Variants in RASA1 observed in about 807,000 individuals in gnomAD.
RASA1 encodes the protein ras GTPase-activating protein 1.
A neutral mutation model predicts 132.2 loss-of-function variants in RASA1; 25 were observed. The ratio of observed to expected loss-of-function variants is 0.19; its 90% CI spans 0.14 to 0.26. The LOEUF (loss-of-function observed/expected upper bound fraction) is 0.26, where lower values mean the gene tolerates loss of function less well. Among genes scored for constraint, RASA1 ranks in the 10% least tolerant of loss-of-function variants. RASA1 has a pLI of 1.00. For synonymous variants in RASA1, 477 were observed against 449.9 expected, an observed-to-expected ratio of 1.06 and a Z score of -0.76; for missense variants, 964 against 1,299.2, an observed-to-expected ratio of 0.74 and a Z score of 3.97.
chr5:87,337,941 T>C (rs1284533854), intron 4 of RASA1, 33 bp from the exon 5 acceptor site: 1 of 1,561,638 alleles, frequency 6.4e-7, no homozygotes, highest in Non-Finnish European at 8.7e-7. Context: ...TTAAAATTTT[T>C]AAATTTAATA....
chr5:87,287,408 C>G (rs928110982), intron 1 of RASA1, among the ~76,000 whole-genome samples: 4 of 143,388 alleles, frequency 2.8e-5, no homozygotes, highest in African/African-American at 1.0e-4. Flanking sequence ...TATATACACA[C>G]CATATATACA....
intron 1 of RASA1, among the ~76,000 whole-genome samples, chr5:87,289,467 CCTCT>C (rs1460364308): frequency 6.6e-6 from 1 of 151,580 alleles, no homozygotes; most frequent in Non-Finnish European, 1.5e-5. Context: ...GTGGTTTTTC[CCTCT>C]ATTTGTAATT....
chr5:87,322,538 T>TC (rs1034996524), intron 1 of RASA1, among the ~76,000 whole-genome samples: 7 of 152,016 alleles, frequency 4.6e-5, no homozygotes, highest in African/African-American at 1.7e-4. Context: ...GCCTGGCTCC[T>TC]CCCCCCTTCT....
At chr5:87,373,831 A>C (rs550846586) in intron 13 of RASA1, among the ~76,000 whole-genome samples, 2 of 152,208 alleles carry the variant, frequency 1.3e-5, no homozygotes, top group Non-Finnish European at 2.9e-5. Context: ...TATATTAATA[A>C]AGAATTTTCT....
chr5:87,345,578 C>A (rs1300478897), intron 6 of RASA1, among the ~76,000 whole-genome samples: 1 of 151,992 alleles, frequency 6.6e-6, no homozygotes, highest in Non-Finnish European at 1.5e-5. Flanking sequence ...ACAGGGAGCA[C>A]CAGGAGATCT....
chr5:87,316,137 G>C lies in RASA1; in HGVS notation c.540-15211G>C, dbSNP rs531735800. Among the ~76,000 whole-genome samples the C allele has an allele frequency of 2.9e-4, 44 of 152,270 alleles. No homozygotes were observed. In the Middle Eastern group the frequency reaches 0.017, roughly 59 times the overall value. On this transcript the variant is annotated intron_variant, in intron 1 of 24. Transcript: ENST00000274376. Reference sequence around the variant, plus strand: ...GCTCTGAGACCAGATCTGTTTGTTTGAAAAAGCAAATTACAAGTATAAATT... The same window carrying C: ...GCTCTGAGACCAGATCTGTTTGTTTCAAAAAGCAAATTACAAGTATAAATT...
chr5:87,281,526 T>A (rs1221629842), intron 1 of RASA1, among the ~76,000 whole-genome samples: 1 of 152,174 alleles, frequency 6.6e-6, no homozygotes, highest in Non-Finnish European at 1.5e-5. Flanking sequence ...ATGTGCTTAT[T>A]GGCCATTTAT....
At chr5:87,335,929 A>G (rs1757944256) in intron 4 of RASA1, among the ~76,000 whole-genome samples, 1 of 152,248 alleles carries the variant, frequency 6.6e-6, no homozygotes, top group African/African-American at 2.4e-5. Context: ...ATTCCATATT[A>G]CAACTAACCT....
rs931195453 is a variant in RASA1, at chr5:87,300,404, C to T, written c.540-30944C>T. On this transcript the variant is annotated intron_variant, in intron 1 of 24. Transcript: ENST00000274376. ...CATAAGCTGGGCAGGGTGGCCTCTGCGTGTAATCCTAGCTACTTGGGAGGC... is the reference window on the plus strand; with the variant it reads ...CATAAGCTGGGCAGGGTGGCCTCTGTGTGTAATCCTAGCTACTTGGGAGGC... Among the ~76,000 whole-genome samples the T allele has an allele frequency of 9.2e-5, 14 of 152,102 alleles. No individual in the cohort carries two copies. In the East Asian group the frequency reaches 1.5e-3, roughly 17 times the overall value.
At chr5:87,365,697 A>T (rs1268896062) in intron 11 of RASA1, among the ~76,000 whole-genome samples, 10 of 152,098 alleles carry the variant, frequency 6.6e-5, no homozygotes, top group Non-Finnish European at 1.5e-5. Context: ...GACTCATAAG[A>T]TAAAAAATAA....
chr5:87,271,881 T>C (rs1753857180), intron 1 of RASA1, among the ~76,000 whole-genome samples: 1 of 151,236 alleles, frequency 6.6e-6, no homozygotes, highest in African/African-American at 2.4e-5. Flanking sequence ...GGGCTGGGGG[T>C]GGTGCTTCAC....
intron 17 of RASA1, among the ~76,000 whole-genome samples, chr5:87,377,699 C>G (rs1761419409): frequency 6.6e-6 from 1 of 152,038 alleles, no homozygotes; most frequent in Non-Finnish European, 1.5e-5. Context: ...ATAGGTAGTT[C>G]CCAAGCTGCT....
intron 15 of RASA1, 56 bp from the exon 16 acceptor site, chr5:87,376,337 A>G (rs1761324728): frequency 1.9e-6 from 3 of 1,591,076 alleles, no homozygotes; most frequent in Admixed American, 3.4e-5. Flanking sequence ...ATTTACTTGC[A>G]TGACTAATTA....
chr5:87,364,695 G>A (rs931452913), intron 11 of RASA1, among the ~76,000 whole-genome samples: 3 of 152,086 alleles, frequency 2.0e-5, no homozygotes, highest in African/African-American at 7.2e-5. Flanking sequence ...CACCCTTCTT[G>A]TGGGTTGAAT....
intron 1 of RASA1, among the ~76,000 whole-genome samples, chr5:87,278,373 C>T (rs1466309069): frequency 3.3e-5 from 5 of 149,684 alleles, no homozygotes; most frequent in South Asian, 2.1e-4. Context: ...GGTGAAACCC[C>T]GTCTCTACTA....
chr5:87,347,551 AAT>A lies in RASA1; in HGVS notation c.1102+829_1102+830del, dbSNP rs376164014. Reference sequence around the variant, plus strand: ...ATTCAATAGTTTCTATATTTGGTGAAATAGATTCTTGTGGTGATAACCCTAAT... The same window carrying A: ...ATTCAATAGTTTCTATATTTGGTGAAAGATTCTTGTGGTGATAACCCTAAT... On this transcript the variant is annotated intron_variant, in intron 7 of 24. Transcript: ENST00000274376. 3.1e-3 allele frequency among the ~76,000 whole-genome samples: 472 copies of A among 152,092 alleles called. 3 individuals are homozygous for A. The highest frequency in any genetic ancestry group is 0.011 in the African/African-American group (455 of 41,542).
chr5:87,340,140 A>AT (rs1464678459), intron 5 of RASA1, among the ~76,000 whole-genome samples: 6 of 152,132 alleles, frequency 3.9e-5, no homozygotes, highest in Non-Finnish European at 7.4e-5. Flanking sequence ...TTCTATGTTT[A>AT]TAGTTTTCCC....
At chr5:87,325,432 A>T (rs438457) in intron 1 of RASA1, among the ~76,000 whole-genome samples, 1 of 152,266 alleles carries the variant, frequency 6.6e-6, no homozygotes, top group Non-Finnish European at 1.5e-5. Context: ...TAGCAAATGC[A>T]TACCAACTTG....
chr5:87,390,030 T>C (rs912277781), intron 24 of RASA1, among the ~76,000 whole-genome samples: 2 of 152,186 alleles, frequency 1.3e-5, no homozygotes, highest in African/African-American at 4.8e-5. Context: ...GGTATTCCGA[T>C]GCAAGTGAAC....
Sources: allele counts gnomAD v4.1 joint callset (sites outside exome capture counted in the v4.1 genomes callset), GRCh38; gene constraint gnomAD v4.1.1; transcripts MANE v1.5; gene names NCBI Gene and HGNC (gene_info 2026-07-23, HGNC 2026-07-21).